Variants in TAFA2 observed in about 807,000 individuals in gnomAD.
The protein encoded by TAFA2 is chemokine-like protein TAFA-2.
Under a neutral mutation model 18.8 loss-of-function variants are expected in TAFA2, and 7 were observed. That is an observed-to-expected ratio of 0.37 (90% CI 0.21 to 0.70). The LOEUF (loss-of-function observed/expected upper bound fraction) is 0.70. Among genes scored for constraint, TAFA2 ranks in the 30% least tolerant of loss-of-function variants. The probability of loss-of-function intolerance (pLI) is 0.53; values close to 1 mark genes in which losing one functional copy is unlikely to be tolerated. For synonymous variants in TAFA2, 60 were observed against 54.2 expected, an observed-to-expected ratio of 1.11 and a Z score of -0.47; for missense variants, 122 against 158.1, an observed-to-expected ratio of 0.77 and a Z score of 1.23.
chr12:61,930,132 G>T (rs1369127809), intron 1 of TAFA2, among the ~76,000 whole-genome samples: 2 of 151,892 alleles, frequency 1.3e-5, no homozygotes, highest in Non-Finnish European at 2.9e-5. Flanking sequence ...TTGTGCACAT[G>T]TACCCTAGAA....
intron 1 of TAFA2, among the ~76,000 whole-genome samples, chr12:62,101,771 A>G (rs1466136318): frequency 6.6e-6 from 1 of 152,212 alleles, no homozygotes; most frequent in Non-Finnish European, 1.5e-5. Context: ...AGCCAATGGT[A>G]TAGCACTAGC....
intron 1 of TAFA2, among the ~76,000 whole-genome samples, chr12:61,997,754 T>TA (rs1008978234): frequency 4.0e-5 from 6 of 149,600 alleles, no homozygotes; most frequent in Admixed American, 6.6e-5. Flanking sequence ...TTTACATGTT[T>TA]AAAAAAAAGT....
intron 2 of TAFA2, among the ~76,000 whole-genome samples, chr12:61,808,662 A>T (rs758415423): frequency 6.6e-6 from 1 of 151,462 alleles, no homozygotes; most frequent in Non-Finnish European, 1.5e-5. Context: ...AAGTTTAGAC[A>T]GAAAAGCTTA....
intron 2 of TAFA2, among the ~76,000 whole-genome samples, chr12:61,781,312 C>T (rs1156657566): frequency 6.6e-6 from 1 of 151,720 alleles, no homozygotes; most frequent in Admixed American, 6.6e-5. Context: ...GGATTTACCA[C>T]TTTGCCTAGG....
intron 1 of TAFA2, among the ~76,000 whole-genome samples, chr12:62,041,334 A>T (rs1370548964): frequency 6.6e-6 from 1 of 152,148 alleles, no homozygotes; most frequent in African/African-American, 2.4e-5. Context: ...CCCAAAACTC[A>T]TATTCTTTGC....
rs17125556 is a variant in TAFA2, at chr12:61,970,896, T to C, written c.-1-103470A>G. ...AGACTAATTCTATACAGAAAAAGAA[T>C]CTAGAAGGCTAAAGTATTTCTTCTG... On this transcript the variant is annotated intron_variant, in intron 1 of 4. Coordinates refer to ENST00000416284, the MANE Select transcript of TAFA2 (RefSeq NM_178539.5). Among the ~76,000 whole-genome samples the C allele has an allele frequency of 6.8e-3, 1,034 of 151,500 alleles. 11 individuals carry two copies. Among genetic ancestry groups the C allele is most frequent in the African/African-American group, 0.023 (960 of 41,406 alleles).
chr12:61,874,289 C>T (rs756206362), intron 1 of TAFA2, among the ~76,000 whole-genome samples: 3 of 152,092 alleles, frequency 2.0e-5, no homozygotes, highest in Non-Finnish European at 2.9e-5. Flanking sequence ...AAACTTTAAT[C>T]GGTTTCTAAA....
intron 2 of TAFA2, among the ~76,000 whole-genome samples, chr12:61,763,538 C>A (rs74449053): frequency 0.062 from 9,396 of 151,818 alleles, 969 homozygotes; most frequent in African/African-American, 0.21. Context: ...AATAAGTGGA[C>A]CCTTTATACA....
At chr12:62,112,699 C>A (rs1869787258) in intron 1 of TAFA2, among the ~76,000 whole-genome samples, 1 of 152,038 alleles carries the variant, frequency 6.6e-6, no homozygotes, top group Non-Finnish European at 1.5e-5. Context: ...TCTTTTTTCT[C>A]TAATCTCATC....
chr12:61,770,911 T>C (rs868718679), intron 2 of TAFA2, among the ~76,000 whole-genome samples: 41 of 152,084 alleles, frequency 2.7e-4, no homozygotes, highest in Admixed American at 1.3e-3. Flanking sequence ...TAATGTTGAA[T>C]ATAAATGGCC....
chr12:62,220,769 A>G (rs1184251590), intron 1 of TAFA2, among the ~76,000 whole-genome samples: 2 of 152,174 alleles, frequency 1.3e-5, no homozygotes, highest in African/African-American at 4.8e-5. Flanking sequence ...AAAATAGTCT[A>G]TTTAGAGAGA....
intron 1 of TAFA2, among the ~76,000 whole-genome samples, chr12:62,109,438 G>C (rs1169931822): frequency 1.3e-5 from 2 of 152,122 alleles, no homozygotes; most frequent in African/African-American, 4.8e-5. Context: ...TGTTATTTTT[G>C]CTTAGGACTG....
chr12:61,770,548 G>A (rs1869981755), intron 2 of TAFA2, among the ~76,000 whole-genome samples: 1 of 152,056 alleles, frequency 6.6e-6, no homozygotes, highest in Non-Finnish European at 1.5e-5. Context: ...CTCAACAGAA[G>A]CTATACAAGC....
chr12:61,820,961 T>G (rs1872296207), intron 2 of TAFA2, among the ~76,000 whole-genome samples: 1 of 151,982 alleles, frequency 6.6e-6, no homozygotes, highest in South Asian at 2.1e-4. Context: ...ACAGATGTAT[T>G]TATTCACCAA....
intron 1 of TAFA2, among the ~76,000 whole-genome samples, chr12:62,241,651 C>A (rs1035000613): frequency 1.3e-5 from 2 of 152,112 alleles, no homozygotes; most frequent in African/African-American, 4.8e-5. Context: ...CTTGAATAAA[C>A]CCTTGAAGAT....
At chr12:62,000,056 A>C (rs1304010031) in intron 1 of TAFA2, among the ~76,000 whole-genome samples, 2 of 152,224 alleles carry the variant, frequency 1.3e-5, no homozygotes, top group African/African-American at 4.8e-5. Flanking sequence ...TGCTTAGATT[A>C]ACTACTCATT....
At chr12:61,940,914 T>C (rs1565689282) in intron 1 of TAFA2, among the ~76,000 whole-genome samples, 1 of 152,194 alleles carries the variant, frequency 6.6e-6, no homozygotes, top group Non-Finnish European at 1.5e-5. Flanking sequence ...AATTTAATAC[T>C]AGATTATCCA....
chr12:61,710,579 T>C (rs1869352065), intron 4 of TAFA2, among the ~76,000 whole-genome samples, 162 bp from the exon 5 acceptor site: 1 of 152,154 alleles, frequency 6.6e-6, no homozygotes, highest in Non-Finnish European at 1.5e-5. Context: ...ATTTCCATCA[T>C]ATAAAAATAT....
chr12:62,063,999 C>T (rs1882422044), intron 1 of TAFA2, among the ~76,000 whole-genome samples: 1 of 151,988 alleles, frequency 6.6e-6, no homozygotes, highest in South Asian at 2.1e-4. Context: ...TACATTGTTT[C>T]TTAGACAATG....
Sources: gnomAD v4.1 joint callset for allele counts (sites outside exome capture counted in the v4.1 genomes callset) on GRCh38, gnomAD v4.1.1 for gene constraint, MANE v1.5 for transcripts, NCBI Gene and HGNC (gene_info 2026-07-23, HGNC 2026-07-21) for gene names.